The following PRKAR2B variants were observed in gnomAD, a reference collection of about 807,000 sequenced individuals.
PRKAR2B encodes protein kinase cAMP-dependent type II regulatory subunit beta, also known as cAMP-dependent protein kinase type II-beta regulatory subunit.
PRKAR2B carries 14 observed loss-of-function variants against 49.9 expected under a neutral mutation model. The ratio of observed to expected loss-of-function variants is 0.28; its 90% CI spans 0.19 to 0.44. PRKAR2B has a LOEUF of 0.44. PRKAR2B is among the 20% of genes least tolerant of loss of function. PRKAR2B has a pLI of 1.00. For missense variants in PRKAR2B, 393 were observed against 537.9 expected (o/e 0.73, Z 2.67); for synonymous variants, 196 against 197.7 (o/e 0.99, Z 0.07).
chr7:107,062,004 C>A (rs1794036607), intron 1 of PRKAR2B, among the ~76,000 whole-genome samples: 1 of 152,152 alleles, frequency 6.6e-6, no homozygotes, highest in Admixed American at 6.5e-5. Flanking sequence ...ATTAAACACA[C>A]ACATCATTAA....
chr7:107,117,573 C>A (rs1795299973), intron 2 of PRKAR2B, among the ~76,000 whole-genome samples: 1 of 152,138 alleles, frequency 6.6e-6, no homozygotes, highest in Non-Finnish European at 1.5e-5. Flanking sequence ...GGAGTTCAGT[C>A]TGCTTCCTTT....
intron 2 of PRKAR2B, among the ~76,000 whole-genome samples, chr7:107,075,987 A>G (rs1417282490): frequency 6.6e-6 from 1 of 152,162 alleles, no homozygotes; most frequent in African/African-American, 2.4e-5. Context: ...AGTGCCTTGC[A>G]TCATGAAGTT....
chr7:107,149,956 T>G (rs1795953392), intron 6 of PRKAR2B, among the ~76,000 whole-genome samples: 1 of 152,020 alleles, frequency 6.6e-6, no homozygotes, highest in African/African-American at 2.4e-5. Flanking sequence ...TCAGAACATC[T>G]CATGTACCCC....
chr7:107,149,145 T>G (rs1795941668), intron 6 of PRKAR2B, among the ~76,000 whole-genome samples: 1 of 152,210 alleles, frequency 6.6e-6, no homozygotes, highest in Non-Finnish European at 1.5e-5. Flanking sequence ...TAAGGTCTGG[T>G]GTCTCAGAAA....
intron 1 of PRKAR2B, among the ~76,000 whole-genome samples, chr7:107,060,906 G>A (rs1223299232): frequency 6.6e-6 from 1 of 151,842 alleles, no homozygotes; most frequent in East Asian, 1.9e-4. Context: ...TCATCTTTAA[G>A]GCTTTAATCT....
chr7:107,051,974 TA>T (rs898146224), intron 1 of PRKAR2B, among the ~76,000 whole-genome samples: 1 of 152,050 alleles, frequency 6.6e-6, no homozygotes, highest in Non-Finnish European at 1.5e-5. Flanking sequence ...ATTTGGGGGG[TA>T]AAAAGAGAAG....
At chr7:107,117,556 G>T (rs1460976895) in intron 2 of PRKAR2B, among the ~76,000 whole-genome samples, 1 of 152,160 alleles carries the variant, frequency 6.6e-6, no homozygotes, top group African/African-American at 2.4e-5. Flanking sequence ...AGGACCCAGT[G>T]AATCGTGGAG....
intron 2 of PRKAR2B, chr7:107,078,211 A>AAAAAG (rs970078575): frequency 1.3e-5 from 2 of 152,326 alleles, no homozygotes; most frequent in African/African-American, 4.8e-5. Flanking sequence ...CAAAAAAAAA[A>AAAAAG]AAAAAAGAAA....
At chr7:107,137,495 G>C (rs1460307104) in intron 4 of PRKAR2B, among the ~76,000 whole-genome samples, 1 of 152,098 alleles carries the variant, frequency 6.6e-6, no homozygotes, top group African/African-American at 2.4e-5. Flanking sequence ...TTTGTTTCCA[G>C]TCTTCTGCTA....
intron 7 of PRKAR2B, among the ~76,000 whole-genome samples, chr7:107,151,254 C>A (rs1795982186): frequency 6.6e-6 from 1 of 152,168 alleles, no homozygotes. Flanking sequence ...GCATCTATAG[C>A]AAATTTATAT....
At chr7:107,157,368 T>G (rs372140642) in intron 10 of PRKAR2B, 44 bp downstream of exon 10, 2 of 1,576,908 alleles carry the variant, frequency 1.3e-6, no homozygotes, top group Non-Finnish European at 8.6e-7. Flanking sequence ...GTTGAACTTA[T>G]GTCTGCATTT....
intron 2 of PRKAR2B, among the ~76,000 whole-genome samples, chr7:107,105,751 C>T: frequency 6.6e-6 from 1 of 152,096 alleles, no homozygotes; most frequent in Non-Finnish European, 1.5e-5. Flanking sequence ...TGACAGTAGG[C>T]ACACTGATTC....
chr7:107,055,825 T>G (rs1793901529), intron 1 of PRKAR2B, among the ~76,000 whole-genome samples: 1 of 152,240 alleles, frequency 6.6e-6, no homozygotes, highest in Admixed American at 6.5e-5. Flanking sequence ...TTTAATTACA[T>G]CTCATTTGTC....
At position 107,159,792 on chromosome 7, in the gene PRKAR2B, A is replaced by G. The variant is rs1352769145; in HGVS notation, c.*210A>G. 16 of 461,844 alleles carry G rather than the reference A, an allele frequency of 3.5e-5. No individual in the cohort carries two copies. In the Admixed American group the frequency reaches 6.1e-4, roughly 18 times the overall value. 28.6% of individuals were successfully genotyped at this position (461,844 alleles called of 1,614,324 possible). On this transcript the variant is annotated 3_prime_UTR_variant, in exon 11 of 11. Transcript: ENST00000265717. ...AAGAGTAGTTCATAAAAAAATCAAC[A>G]TACTGATAAAATGACTTTGTACTCC...
intron 4 of PRKAR2B, among the ~76,000 whole-genome samples, chr7:107,140,044 C>A (rs1189345555): frequency 6.6e-6 from 1 of 152,150 alleles, no homozygotes; most frequent in Non-Finnish European, 1.5e-5. Flanking sequence ...GTATTATTTC[C>A]TCATATCCAT....
intron 2 of PRKAR2B, among the ~76,000 whole-genome samples, chr7:107,099,869 C>T (rs535720879): frequency 4.9e-4 from 75 of 152,150 alleles, no homozygotes; most frequent in South Asian, 3.9e-3. Flanking sequence ...CTCCTGACCT[C>T]GTGATCCGCC....
In PRKAR2B at chr7:107,088,546, A is replaced by G. The variant is rs996950743; in HGVS notation, c.343+18230A>G. On this transcript the variant is annotated intron_variant, in intron 2 of 10. Transcript: ENST00000265717. ...CAGCTTAAGCCAAATATATCAATCTATTTTTTGAGATTTACTCCTCATGTG... is the reference window on the plus strand; with the variant it reads ...CAGCTTAAGCCAAATATATCAATCTGTTTTTTGAGATTTACTCCTCATGTG... Among the ~76,000 whole-genome samples the G allele has an allele frequency of 3.9e-5, 6 of 152,078 alleles. No individual in the cohort carries two copies. In the East Asian group the frequency reaches 5.8e-4, roughly 15 times the overall value.
intron 2 of PRKAR2B, among the ~76,000 whole-genome samples, chr7:107,070,951 A>G (rs188901452): frequency 5.5e-4 from 84 of 152,344 alleles, no homozygotes; most frequent in African/African-American, 2.0e-3. Flanking sequence ...ACAAGGGCGT[A>G]CGTTAACTTC....
rs756370975 is a variant in PRKAR2B, at chr7:107,153,228, G to A, written c.895G>A (p.Asp299Asn). The change falls in exon 8 of 11, where the codon GAT (aspartate) becomes AAT (asparagine). Residue 299 changes from aspartate to asparagine, a missense_variant. Asp to Asn is a conservative substitution (Grantham distance 23). Around this residue, in one of 2 missense-constraint regions of PRKAR2B, gnomAD observed 233 missense variants for 390.4 expected, o/e 0.60. Transcript: ENST00000265717. The part of the protein sequence containing the change: ...VDVIGTKVYN[D>N]GEQIIAQGDS... ...TGTGATAGGCACCAAAGTATACAAC[G>A]ATGGAGAACAAATCATTGCTCAGGT... The A allele has an allele frequency of 2.5e-6, 4 of 1,606,554 alleles. No homozygotes were observed. Among genetic ancestry groups the A allele is most frequent in the East Asian group, 2.2e-5 (1 of 44,558 alleles).
Sources: gnomAD v4.1 joint callset for allele counts (sites outside exome capture counted in the v4.1 genomes callset) on GRCh38, gnomAD v4.1.1 for gene constraint, gnomAD v4.1.1 regional missense constraint, MANE v1.5 for transcripts, NCBI Gene and HGNC (gene_info 2026-07-23, HGNC 2026-07-21) for gene names.